Variants in ME2 observed in about 807,000 individuals in gnomAD.
ME2 encodes malic enzyme 2, also known as NAD-dependent malic enzyme, mitochondrial.
ME2 carries 60 observed loss-of-function variants against 73.7 expected under a neutral mutation model. That is an observed-to-expected ratio of 0.81 (90% CI 0.66 to 1.01). ME2 has a LOEUF of 1.01. ME2 is among the 50% of genes least tolerant of loss of function. The probability of loss-of-function intolerance (pLI) is 0.00; values close to 1 mark genes in which losing one functional copy is unlikely to be tolerated. For missense variants in ME2, 594 were observed against 705.5 expected, an observed-to-expected ratio of 0.84 and a Z score of 1.79; for synonymous variants, 199 against 236.9, an observed-to-expected ratio of 0.84 and a Z score of 1.47.
At chr18:50,946,810 C>T (rs780182047) in intron 15 of ME2, among the ~76,000 whole-genome samples, 3 of 152,182 alleles carry the variant, frequency 2.0e-5, no homozygotes, top group Non-Finnish European at 4.4e-5. Flanking sequence ...TAGAATGACA[C>T]AGTAGAACTT....
chr18:50,889,561 A>G (rs1217613244), intron 1 of ME2, among the ~76,000 whole-genome samples: 1 of 152,188 alleles, frequency 6.6e-6, no homozygotes, highest in Non-Finnish European at 1.5e-5. Context: ...AAAGCAATTT[A>G]TTGTGGATAA....
In ME2 at chr18:50,950,467, C is replaced by CTTTTTTTTTCTTTTTTTTTTTTTT. The variant is rs1555679814; in HGVS notation, c.*3292_*3293insCTTTTTTTTTTTTTTTTTTTTTTT. On this transcript the variant is annotated 3_prime_UTR_variant, in exon 16 of 16. Transcript: ENST00000321341. Reference sequence around the variant, plus strand: ...GCCTGGGGTGGGGCCTCAGATTCTGCTTTTTTTTTTTTTTTTTTTTTTTTT... The same window carrying CTTTTTTTTTCTTTTTTTTTTTTTT: ...GCCTGGGGTGGGGCCTCAGATTCTGCTTTTTTTTTCTTTTTTTTTTTTTTTTTTTTTTTTTTTTTTTTTTTTTTT... 8.9e-5 allele frequency: 4 copies of CTTTTTTTTTCTTTTTTTTTTTTTT among 45,082 alleles called. 1 individual carries two copies. Among genetic ancestry groups the CTTTTTTTTTCTTTTTTTTTTTTTT allele is most frequent in the African/African-American group, 8.9e-5 (1 of 11,298 alleles). The allele number at this position is 45,082 out of a possible 1,614,324, so 2.8% of individuals were successfully genotyped here. A position where few individuals can be genotyped will look rare whatever the true frequency, so the allele number is the denominator to read the frequency against.
At chr18:50,942,866 AT>A (rs557048529) in intron 15 of ME2, 34 of 231,982 alleles carry the variant, frequency 1.5e-4, no homozygotes, top group Non-Finnish European at 2.3e-4. Context: ...TCTGCAAGTA[AT>A]TTTTTCTTTT....
At chr18:50,898,055 C>T (rs1306535256) in intron 2 of ME2, among the ~76,000 whole-genome samples, 5 of 152,110 alleles carry the variant, frequency 3.3e-5, no homozygotes, top group Admixed American at 2.0e-4. Context: ...TTATAGACTC[C>T]TCAGGAACTT....
intron 14 of ME2, chr18:50,939,894 T>C: frequency 2.2e-6 from 1 of 452,026 alleles, no homozygotes; most frequent in Non-Finnish European, 4.0e-6. Flanking sequence ...CTGAATATAT[T>C]GTGACAGCAT....
Position 50,953,092 on chromosome 18 carries a change from C to CTTTTTTTTTTTTTTT in ME2, c.*5912_*5926dup, listed in dbSNP as rs558021689. On this transcript the variant is annotated 3_prime_UTR_variant, in exon 16 of 16. Coordinates refer to ENST00000321341, the MANE Select transcript of ME2 (RefSeq NM_002396.5). ...CTTCAGATGAGAATTCTCACTTATTCTTTTTTTTTTTTTTTTTTCTTTTCT... is the reference window on the plus strand; with the variant it reads ...CTTCAGATGAGAATTCTCACTTATTCTTTTTTTTTTTTTTTTTTTTTTTTTTTTTTTTTCTTTTCT... 7.5e-6 allele frequency: 1 copy of CTTTTTTTTTTTTTTT among 133,562 alleles called. No individual in the cohort carries two copies. 8.3% of individuals were successfully genotyped at this position (133,562 alleles called of 1,614,324 possible).
chr18:50,910,454 A>G lies in ME2; in HGVS notation c.242+2258A>G, dbSNP rs201615652. 8.6e-3 allele frequency among the ~76,000 whole-genome samples: 1,289 copies of G among 150,352 alleles called. 19 individuals carry two copies. Among genetic ancestry groups the G allele is most frequent in the African/African-American group, 0.03 (1,229 of 41,252 alleles). ...ACCCTGTCTCAGAAAAAAAAAAAAAAAAAGAAAAAGGCTAAACAAGAGCAG... is the reference window on the plus strand; with the variant it reads ...ACCCTGTCTCAGAAAAAAAAAAAAAGAAAGAAAAAGGCTAAACAAGAGCAG... On this transcript the variant is annotated intron_variant, in intron 3 of 15. Transcript: ENST00000321341.
chr18:50,913,046 C>A, intron 4 of ME2, 96 bp downstream of exon 4: 1 of 1,136,602 alleles, frequency 8.8e-7, no homozygotes, highest in Non-Finnish European at 1.2e-6. Context: ...TGTTTGTTAG[C>A]CAAATCACAT....
chr18:50,922,894 C>G (rs1443354621), intron 10 of ME2, among the ~76,000 whole-genome samples: 1 of 152,154 alleles, frequency 6.6e-6, no homozygotes, highest in Non-Finnish European at 1.5e-5. Flanking sequence ...AGTTTCTTAT[C>G]TGGAGTTATC....
intron 2 of ME2, among the ~76,000 whole-genome samples, chr18:50,905,579 G>C (rs1195278321): frequency 1.3e-5 from 2 of 152,186 alleles, no homozygotes; most frequent in African/African-American, 4.8e-5. Context: ...GTACATTTTA[G>C]AGACACATGA....
chr18:50,895,954 A>C, intron 2 of ME2, 26 bp downstream of exon 2: 1 of 1,430,362 alleles, frequency 7.0e-7, no homozygotes, highest in South Asian at 1.2e-5. Flanking sequence ...ATCAATGTAC[A>C]TTTTCTCTCT....
At chr18:50,888,875 A>T (rs984522834) in intron 1 of ME2, among the ~76,000 whole-genome samples, 1 of 152,050 alleles carries the variant, frequency 6.6e-6, no homozygotes, top group Non-Finnish European at 1.5e-5. Context: ...CTTTAAAAAA[A>T]ATTTTTTTTA....
chr18:50,896,252 G>C (rs1399422909), intron 2 of ME2, among the ~76,000 whole-genome samples: 1 of 152,182 alleles, frequency 6.6e-6, no homozygotes. Context: ...CATTTCCCCA[G>C]CTCATATCAG....
intron 15 of ME2, among the ~76,000 whole-genome samples, chr18:50,943,357 C>T (rs916322931): frequency 6.6e-6 from 1 of 151,504 alleles, no homozygotes; most frequent in African/African-American, 2.4e-5. Context: ...TGGAGTGCAG[C>T]GACGTGATCT....
intron 2 of ME2, among the ~76,000 whole-genome samples, chr18:50,906,795 A>G (rs1466722811): frequency 1.3e-5 from 2 of 152,230 alleles, no homozygotes; most frequent in African/African-American, 4.8e-5. Context: ...TGAACCAGGC[A>G]GTTTACAACT....
chr18:50,898,520 TC>T (rs1191832838), intron 2 of ME2, among the ~76,000 whole-genome samples: 1 of 152,084 alleles, frequency 6.6e-6, no homozygotes, highest in African/African-American at 2.4e-5. Context: ...AGCCTTGACC[TC>T]CCCGGGCTCA....
intron 10 of ME2, among the ~76,000 whole-genome samples, chr18:50,923,100 T>A (rs567418913): frequency 6.6e-6 from 1 of 152,320 alleles, no homozygotes; most frequent in South Asian, 2.1e-4. Flanking sequence ...TTTTATGGTT[T>A]TTGACCTGGG....
chr18:50,922,837 G>T (rs923094883), intron 10 of ME2, among the ~76,000 whole-genome samples: 1 of 152,072 alleles, frequency 6.6e-6, no homozygotes, highest in African/African-American at 2.4e-5. Flanking sequence ...GCTCAGCCTG[G>T]TTTTCTCAGC....
chr18:50,912,312 C>T (rs1917175246), intron 3 of ME2, among the ~76,000 whole-genome samples: 1 of 152,148 alleles, frequency 6.6e-6, no homozygotes, highest in Non-Finnish European at 1.5e-5. Flanking sequence ...CTGTGTAGAC[C>T]TTATAATACT....
Sources: allele counts gnomAD v4.1 joint callset (sites outside exome capture counted in the v4.1 genomes callset), GRCh38; gene constraint gnomAD v4.1.1; transcripts MANE v1.5; gene names NCBI Gene and HGNC (gene_info 2026-07-23, HGNC 2026-07-21).